The following CDH8 variants were observed in gnomAD, a reference collection of about 807,000 sequenced individuals.
CDH8 encodes the protein cadherin 8.
A neutral mutation model predicts 68.1 loss-of-function variants in CDH8; 17 were observed. The observed-to-expected ratio is 0.25, with a 90% CI of 0.17 to 0.37. The LOEUF is 0.37. Among genes scored for constraint, CDH8 ranks in the 10% least tolerant of loss-of-function variants. The pLI is 1.00. For missense variants in CDH8, 763 were observed against 999.3 expected (o/e 0.76, Z 3.19); for synonymous variants, 372 against 365.1 (o/e 1.02, Z -0.21).
intron 2 of CDH8, among the ~76,000 whole-genome samples, chr16:61,912,898 T>C (rs1317591779): frequency 6.6e-6 from 1 of 152,120 alleles, no homozygotes; most frequent in African/African-American, 2.4e-5. Flanking sequence ...ATTCATGTAT[T>C]CAAACAATCA....
chr16:61,921,308 A>C (rs1419794892), intron 2 of CDH8, among the ~76,000 whole-genome samples: 1 of 151,812 alleles, frequency 6.6e-6, no homozygotes, highest in Non-Finnish European at 1.5e-5. Context: ...TGATTGTTTC[A>C]TTTGTAAGCT....
intron 9 of CDH8, chr16:61,725,051 T>A (rs916103004): frequency 6.6e-6 from 1 of 150,918 alleles, no homozygotes; most frequent in African/African-American, 2.4e-5. Flanking sequence ...ATCAAAGATA[T>A]GATCCTTTCA....
chr16:61,862,430 G>A (rs536740438), intron 3 of CDH8, among the ~76,000 whole-genome samples: 20 of 152,264 alleles, frequency 1.3e-4, no homozygotes, highest in Admixed American at 9.8e-4. Flanking sequence ...CTGGGCTGGG[G>A]ACTGCAACAG....
At chr16:61,861,438 G>A (rs551316255) in intron 3 of CDH8, among the ~76,000 whole-genome samples, 16 of 152,284 alleles carry the variant, frequency 1.1e-4, no homozygotes, top group Admixed American at 5.9e-4. Flanking sequence ...GACTGATGAT[G>A]AACATATCTA....
chr16:61,758,533 A>C (rs2142963028), intron 8 of CDH8, among the ~76,000 whole-genome samples: 1 of 152,164 alleles, frequency 6.6e-6, no homozygotes, highest in Middle Eastern at 3.4e-3. Context: ...TCTGGATTCA[A>C]GGGATCCTCC....
chr16:61,953,664 T>C (rs1343400656), intron 2 of CDH8, among the ~76,000 whole-genome samples: 2 of 151,342 alleles, frequency 1.3e-5, no homozygotes, highest in Non-Finnish European at 2.9e-5. Context: ...GCCCAGGAAT[T>C]CGAGACCAGC....
At chr16:61,990,233 G>A (rs1487239717) in intron 2 of CDH8, among the ~76,000 whole-genome samples, 2 of 150,168 alleles carry the variant, frequency 1.3e-5, no homozygotes, top group African/African-American at 4.9e-5. Flanking sequence ...GGGCCTCTAA[G>A]CTAGGTTATA....
At chr16:61,776,445 T>C (rs1413869465) in intron 8 of CDH8, among the ~76,000 whole-genome samples, 1 of 152,140 alleles carries the variant, frequency 6.6e-6, no homozygotes, top group African/African-American at 2.4e-5. Context: ...AACTTGCCTA[T>C]GACTTTGGTT....
chr16:61,988,967 A>C (rs1965672450), intron 2 of CDH8, among the ~76,000 whole-genome samples: 2 of 152,154 alleles, frequency 1.3e-5, no homozygotes, highest in Non-Finnish European at 2.9e-5. Flanking sequence ...TGGCAAGAAA[A>C]AAATGAGAGG....
At chr16:61,665,793 TTCCTTCCTTCCTTTCCC>T (rs1567410603) in intron 10 of CDH8, among the ~76,000 whole-genome samples, 22 of 120,394 alleles carry the variant, frequency 1.8e-4, no homozygotes, top group African/African-American at 6.2e-4. Context: ...CCTTCCTTCC[TTCCTTCCTTCCTTTCCC>T]TCCTTCCTTC....
intron 2 of CDH8, among the ~76,000 whole-genome samples, chr16:61,988,672 A>T (rs1355631784): frequency 1.3e-5 from 2 of 152,218 alleles, no homozygotes; most frequent in Admixed American, 6.5e-5. Context: ...CTACCAAATT[A>T]CAGGAAAAAA....
chr16:61,982,028 T>C (rs1337964493), intron 2 of CDH8, among the ~76,000 whole-genome samples: 1 of 152,196 alleles, frequency 6.6e-6, no homozygotes, highest in East Asian at 1.9e-4. Context: ...TCGTTGTCAC[T>C]GTGCCCCCAC....
intron 2 of CDH8, among the ~76,000 whole-genome samples, chr16:61,937,151 C>T (rs561499697): frequency 1.3e-4 from 20 of 152,268 alleles, no homozygotes; most frequent in African/African-American, 4.3e-4. Context: ...TGTGGAGCAG[C>T]ACTCAAGTGT....
chr16:61,708,759 CT>C (rs1964577522), intron 10 of CDH8, among the ~76,000 whole-genome samples: 1 of 152,136 alleles, frequency 6.6e-6, no homozygotes, highest in South Asian at 2.1e-4. Flanking sequence ...AATCGGAAGC[CT>C]TTTTGGATCA....
chr16:61,691,039 T>C lies in CDH8; in HGVS notation c.1654+22802A>G, dbSNP rs148738679. 2.0e-3 allele frequency among the ~76,000 whole-genome samples: 307 copies of C among 152,188 alleles called. 1 individual carries two copies. The highest frequency in any genetic ancestry group is 7.0e-3 in the African/African-American group (292 of 41,538). ...CCAATTCTCCTTGTATATCTGGCTGTCTAGCCAAGCTGCTCCCATTATCTT... is the reference window on the plus strand; with the variant it reads ...CCAATTCTCCTTGTATATCTGGCTGCCTAGCCAAGCTGCTCCCATTATCTT... On this transcript the variant is annotated intron_variant, in intron 10 of 11. Coordinates refer to ENST00000577390, the MANE Select transcript of CDH8 (RefSeq NM_001796.5).
chr16:61,849,913 T>C (rs1962904161), intron 4 of CDH8, among the ~76,000 whole-genome samples: 1 of 152,184 alleles, frequency 6.6e-6, no homozygotes, highest in South Asian at 2.1e-4. Flanking sequence ...ATTAGTGATA[T>C]CCTTAATTTG....
At chr16:61,875,504 A>T (rs1299408129) in intron 3 of CDH8, among the ~76,000 whole-genome samples, 2 of 152,196 alleles carry the variant, frequency 1.3e-5, no homozygotes, top group Non-Finnish European at 2.9e-5. Flanking sequence ...TATTATATTG[A>T]ATCAACAGAG....
Position 61,857,226 on chromosome 16 carries a change from G to A in CDH8, c.560C>T (p.Thr187Ile). The A allele has an allele frequency of 6.2e-7, 1 of 1,612,334 alleles. No homozygotes were observed. Among genetic ancestry groups the A allele is most frequent in the Non-Finnish European group, 8.5e-7 (1 of 1,178,622 alleles). ...ATCAGCGTCGGTCGCAGTGACGTTAGTGACAGATGTACCTAATAAAATAGA... is the reference window on the plus strand; with the variant it reads ...ATCAGCGTCGGTCGCAGTGACGTTAATGACAGATGTACCTAATAAAATAGA... ...PEMSILGTSV[T>I]NVTATDADDP... Residue 187 changes from threonine to isoleucine, a missense_variant, in exon 4 of 12, where the codon ACT becomes ATT. Physicochemically the swap from Thr to Ile is moderately conservative, Grantham distance 89. This residue lies in a region of CDH8 where 366 missense variants were observed against 563.1 expected (regional missense o/e 0.65). Coordinates refer to ENST00000577390, the MANE Select transcript of CDH8 (RefSeq NM_001796.5).
chr16:61,859,152 G>T (rs1963105070), intron 3 of CDH8, among the ~76,000 whole-genome samples: 1 of 152,116 alleles, frequency 6.6e-6, no homozygotes, highest in South Asian at 2.1e-4. Flanking sequence ...TACAAAATCT[G>T]CAGTTATAAA....
Sources: gnomAD v4.1 joint callset for allele counts (sites outside exome capture counted in the v4.1 genomes callset) on GRCh38, gnomAD v4.1.1 for gene constraint, gnomAD v4.1.1 regional missense constraint, MANE v1.5 for transcripts, NCBI Gene and HGNC (gene_info 2026-07-23, HGNC 2026-07-21) for gene names.